PTPRD: variants seen among roughly 807,000 people sequenced by gnomAD.
PTPRD encodes the protein receptor-type tyrosine-protein phosphatase delta.
A neutral mutation model predicts 214.5 loss-of-function variants in PTPRD; 34 were observed. That is an observed-to-expected ratio of 0.16 (90% CI 0.12 to 0.21). The LOEUF is 0.21. Among genes scored for constraint, PTPRD ranks in the 10% least tolerant of loss-of-function variants. The pLI is 1.00. For missense variants in PTPRD, 2,545 were observed against 2,398.7 expected, an observed-to-expected ratio of 1.06 and a Z score of -1.27; for synonymous variants, 1,128 against 845.7, an observed-to-expected ratio of 1.33 and a Z score of -5.79.
intron 12 of PTPRD, among the ~76,000 whole-genome samples, chr9:8,702,255 AAAG>A (rs1164344412): frequency 2.9e-5 from 4 of 139,992 alleles, no homozygotes; most frequent in African/African-American, 1.1e-4. Context: ...TTTAGTGTGT[AAAG>A]TAAAAAAAAA....
intron 39 of PTPRD, among the ~76,000 whole-genome samples, chr9:8,347,342 T>C (rs1234229490): frequency 6.6e-6 from 1 of 152,146 alleles, no homozygotes; most frequent in Non-Finnish European, 1.5e-5. Context: ...TGTATTTTCA[T>C]GACTCTGTCG....
At chr9:9,289,131 A>G (rs1595226954) in intron 9 of PTPRD, among the ~76,000 whole-genome samples, 1 of 151,856 alleles carries the variant, frequency 6.6e-6, no homozygotes, top group Admixed American at 6.6e-5. Flanking sequence ...GCAAATAGTT[A>G]CCCTCTAGAA....
chr9:9,047,350 T>C (rs988150089), intron 10 of PTPRD, among the ~76,000 whole-genome samples: 2 of 152,132 alleles, frequency 1.3e-5, no homozygotes, highest in Non-Finnish European at 2.9e-5. Context: ...ATAGATTCAA[T>C]GCAATCTCTA....
intron 2 of PTPRD, among the ~76,000 whole-genome samples, chr9:10,458,499 T>C (rs2098934307): frequency 6.6e-6 from 1 of 152,162 alleles, no homozygotes; most frequent in Admixed American, 6.6e-5. Flanking sequence ...ACGTTCTTTC[T>C]TGACAAAGCC....
In PTPRD at chr9:9,894,082, G is replaced by A. The variant is rs148856364; in HGVS notation, c.-368+44425C>T. 3.2e-4 allele frequency among the ~76,000 whole-genome samples: 49 copies of A among 152,030 alleles called. 1 individual carries two copies. Among genetic ancestry groups the A allele is most frequent in the African/African-American group, 9.9e-4 (41 of 41,474 alleles). The stretch of plus-strand genomic sequence containing the variant: ...TCCTGCCTTTCCTTGGCCTCCTAAC[G>A]CTGTGGAATTGCCAGCATGAGTCAC... On this transcript the variant is annotated intron_variant, in intron 5 of 45. Coordinates refer to ENST00000381196, the MANE Select transcript of PTPRD (RefSeq NM_002839.4).
At chr9:9,283,995 C>A (rs1225573477) in intron 9 of PTPRD, among the ~76,000 whole-genome samples, 1 of 151,614 alleles carries the variant, frequency 6.6e-6, no homozygotes, top group African/African-American at 2.4e-5. Context: ...ATAACTCAAC[C>A]ACGTTATAAT....
chr9:9,301,918 A>C (rs1038993795), intron 9 of PTPRD, among the ~76,000 whole-genome samples: 1 of 151,930 alleles, frequency 6.6e-6, no homozygotes, highest in Non-Finnish European at 1.5e-5. Flanking sequence ...TGAGAGCAGA[A>C]GCTGAGTTTA....
At chr9:9,487,338 G>C (rs1025568285) in intron 8 of PTPRD, among the ~76,000 whole-genome samples, 1 of 151,580 alleles carries the variant, frequency 6.6e-6, no homozygotes, top group East Asian at 2.0e-4. Context: ...GCGATAGTTT[G>C]CTGAGAATGA....
intron 3 of PTPRD, among the ~76,000 whole-genome samples, chr9:10,040,554 T>C (rs2097277820): frequency 1.3e-5 from 2 of 152,018 alleles, no homozygotes; most frequent in African/African-American, 4.8e-5. Flanking sequence ...TATCCAGCTA[T>C]GTAGGGAGAA....
intron 2 of PTPRD, among the ~76,000 whole-genome samples, chr9:10,513,182 ATG>A (rs370697263): frequency 8.5e-4 from 126 of 147,968 alleles, no homozygotes; most frequent in African/African-American, 2.6e-3. Flanking sequence ...TTGTGTGTGT[ATG>A]TGTGTGTGTG....
At chr9:10,264,780 T>C (rs927558669) in intron 3 of PTPRD, among the ~76,000 whole-genome samples, 4 of 152,116 alleles carry the variant, frequency 2.6e-5, no homozygotes, top group Non-Finnish European at 5.9e-5. Context: ...GGCGGAATGA[T>C]ATGGTTTTGC....
chr9:8,570,031 A>G (rs1000026590), intron 14 of PTPRD, among the ~76,000 whole-genome samples: 12 of 152,234 alleles, frequency 7.9e-5, no homozygotes, highest in African/African-American at 2.6e-4. Flanking sequence ...TCACCATCGC[A>G]TAAGTAGATA....
chr9:10,375,019 T>C lies in PTPRD; in HGVS notation c.-599-34002A>G, dbSNP rs191595771. Among the ~76,000 whole-genome samples, 25 of 152,194 alleles carry C rather than the reference T, an allele frequency of 1.6e-4. 1 individual carries two copies. In the East Asian group the frequency reaches 4.5e-3, roughly 27 times the overall value. On this transcript the variant is annotated intron_variant, in intron 2 of 45. Coordinates refer to ENST00000381196, the MANE Select transcript of PTPRD (RefSeq NM_002839.4). ...AAACTAGATAAAAACATCTTTGAAT[T>C]ATTGTTAACTACAGGTTTATAGAAC...
At chr9:10,486,400 G>T (rs1393067057) in intron 2 of PTPRD, among the ~76,000 whole-genome samples, 1 of 152,062 alleles carries the variant, frequency 6.6e-6, no homozygotes, top group Non-Finnish European at 1.5e-5. Context: ...TCTGCATATG[G>T]CTGGACAGTT....
At chr9:9,762,707 C>T (rs1251232561) in intron 6 of PTPRD, among the ~76,000 whole-genome samples, 1 of 152,194 alleles carries the variant, frequency 6.6e-6, no homozygotes, top group Non-Finnish European at 1.5e-5. Flanking sequence ...ATCAGAACCG[C>T]ATATATTTCT....
intron 44 of PTPRD, among the ~76,000 whole-genome samples, chr9:8,324,112 T>C (rs1831169619): frequency 6.6e-6 from 1 of 151,786 alleles, no homozygotes; most frequent in South Asian, 2.1e-4. Flanking sequence ...TTTTTTTTTT[T>C]TTTTAAACTT....
chr9:8,502,480 T>C (rs1221346435), intron 23 of PTPRD, among the ~76,000 whole-genome samples: 2 of 152,032 alleles, frequency 1.3e-5, no homozygotes, highest in Non-Finnish European at 2.9e-5. Flanking sequence ...TCCATCAAAA[T>C]AAAAGCTCTC....
chr9:10,294,095 T>G (rs16925743), intron 3 of PTPRD, among the ~76,000 whole-genome samples: 1 of 151,940 alleles, frequency 6.6e-6, no homozygotes, highest in South Asian at 2.1e-4. Context: ...TATGAAACAT[T>G]TGGCTGAATT....
chr9:9,005,371 G>C (rs1035748190), intron 11 of PTPRD, among the ~76,000 whole-genome samples: 9 of 151,932 alleles, frequency 5.9e-5, no homozygotes, highest in African/African-American at 1.7e-4. Context: ...GAAGTAGCAT[G>C]GTGAATGCTA....
Sources: gnomAD v4.1 joint callset for allele counts (sites outside exome capture counted in the v4.1 genomes callset) on GRCh38, gnomAD v4.1.1 for gene constraint, MANE v1.5 for transcripts, NCBI Gene and HGNC (gene_info 2026-07-23, HGNC 2026-07-21) for gene names.